The following NEMP2 variants were observed in gnomAD, a reference collection of about 807,000 sequenced individuals.
The protein encoded by NEMP2 is nuclear envelope integral membrane protein 2.
A neutral mutation model predicts 54.2 loss-of-function variants in NEMP2; 53 were observed. The ratio of observed to expected loss-of-function variants is 0.98; its 90% confidence interval spans 0.78 to 1.23. The LOEUF (loss-of-function observed/expected upper bound fraction) is 1.23. Among genes scored for constraint, NEMP2 ranks in the 50% most tolerant of loss-of-function variants. NEMP2 has a pLI of 0.00. For missense variants in NEMP2, 455 were observed against 511.3 expected, an observed-to-expected ratio of 0.89 and a Z score of 1.06; for synonymous variants, 197 against 190.3, an observed-to-expected ratio of 1.04 and a Z score of -0.29.
chr2:190,488,743 A>G, the NEMP2 span: 1 of 1,610,846 alleles, frequency 6.2e-7, no homozygotes, highest in East Asian at 2.2e-5. The surrounding 1 kb of genome is among the most constrained non-coding windows in gnomAD (Gnocchi z 6.4). Flanking sequence ...TGCTCAGGGC[A>G]TCCTGCAGGG....
chr2:190,588,891 T>C, the NEMP2 span, among the ~76,000 whole-genome samples: 1 of 152,286 alleles, frequency 6.6e-6, no homozygotes, highest in South Asian at 2.1e-4. The surrounding 1 kb of genome is among the most constrained non-coding windows in gnomAD (Gnocchi z 5.0). Context: ...TACTATGTGG[T>C]TGGATACATA....
the NEMP2 span, chr2:190,463,874 A>G: frequency 1.0e-6 from 1 of 984,248 alleles, no homozygotes; most frequent in African/African-American, 1.7e-5. The surrounding 1 kb of genome is among the most constrained non-coding windows in gnomAD (Gnocchi z 4.4). Flanking sequence ...ATGGAGCCCA[A>G]TCTAAGGGCG....
chr2:190,489,731 T>C, the NEMP2 span: 1 of 1,577,698 alleles, frequency 6.3e-7, no homozygotes, highest in African/African-American at 1.4e-5. This position sits in a 1 kb window ranked among gnomAD's most constrained non-coding sequence, Gnocchi z 6.6. Context: ...TCTGCATTTC[T>C]TGGAATTACT....
chr2:190,572,873 A>ATATGTATG, the NEMP2 span, among the ~76,000 whole-genome samples: 17 of 110,332 alleles, frequency 1.5e-4, no homozygotes, highest in South Asian at 3.0e-4. Flanking sequence ...ATATATATAT[A>ATATGTATG]TATGTATATA....
the NEMP2 span, among the ~76,000 whole-genome samples, chr2:190,579,930 G>C: frequency 2.0e-5 from 3 of 152,172 alleles, no homozygotes; most frequent in Non-Finnish European, 4.4e-5. Context: ...ACATATCCCA[G>C]GTCTCCGTTT....
the NEMP2 span, among the ~76,000 whole-genome samples, chr2:190,463,461 G>C: frequency 6.6e-6 from 1 of 152,102 alleles, no homozygotes; most frequent in African/African-American, 2.4e-5. The surrounding 1 kb of genome is among the most constrained non-coding windows in gnomAD (Gnocchi z 4.4). Context: ...GCCTACTCTA[G>C]GAAGACATCT....
chr2:190,515,904 C>T (rs1010351201), intron 6 of NEMP2, among the ~76,000 whole-genome samples: 2 of 152,066 alleles, frequency 1.3e-5, no homozygotes, highest in Non-Finnish European at 2.9e-5. Context: ...TGAATACTTA[C>T]GGGAAAGAAA....
chr2:190,565,254 T>C, the NEMP2 span, among the ~76,000 whole-genome samples: 4 of 151,910 alleles, frequency 2.6e-5, no homozygotes, highest in African/African-American at 2.4e-5. Flanking sequence ...ACCTAAACAA[T>C]CAAATGAATT....
At chr2:190,623,318 C>G in the NEMP2 span, among the ~76,000 whole-genome samples, 1 of 151,870 alleles carries the variant, frequency 6.6e-6, no homozygotes, top group Non-Finnish European at 1.5e-5. Context: ...AAAAAAAAAC[C>G]CTAAAATTCT....
chr2:190,547,543 T>C, the NEMP2 span, among the ~76,000 whole-genome samples: 1 of 152,224 alleles, frequency 6.6e-6, no homozygotes, highest in African/African-American at 2.4e-5. The surrounding 1 kb of genome is among the most constrained non-coding windows in gnomAD (Gnocchi z 6.2). Context: ...CTTTTGTTTT[T>C]GAGATGGAGT....
At chr2:190,542,287 C>T in the NEMP2 span, among the ~76,000 whole-genome samples, 2 of 152,242 alleles carry the variant, frequency 1.3e-5, no homozygotes, top group African/African-American at 4.8e-5. This position sits in a 1 kb window ranked among gnomAD's most constrained non-coding sequence, Gnocchi z 4.6. Context: ...TCTTGGCTCA[C>T]TGCAACCTCT....
At chr2:190,436,289 C>A in the NEMP2 span, 1 of 1,614,016 alleles carries the variant, frequency 6.2e-7, no homozygotes, top group Non-Finnish European at 8.5e-7. The surrounding 1 kb of genome is among the most constrained non-coding windows in gnomAD (Gnocchi z 5.3). Context: ...TCTCTCTATC[C>A]CCTTTTGCCT....
the NEMP2 span, among the ~76,000 whole-genome samples, chr2:190,598,790 G>T: frequency 4.6e-5 from 7 of 152,174 alleles, no homozygotes; most frequent in Admixed American, 3.3e-4. Context: ...ATTGTACTTT[G>T]CATATAATAC....
the NEMP2 span, among the ~76,000 whole-genome samples, chr2:190,543,012 T>G: frequency 3.3e-5 from 5 of 152,236 alleles, no homozygotes; most frequent in African/African-American, 1.2e-4. The surrounding 1 kb of genome is among the most constrained non-coding windows in gnomAD (Gnocchi z 4.7). Flanking sequence ...TCTGGCTTGT[T>G]TGGGTTTTTA....
the NEMP2 span, among the ~76,000 whole-genome samples, chr2:190,468,100 G>A: frequency 6.6e-6 from 1 of 152,136 alleles, no homozygotes; most frequent in African/African-American, 2.4e-5. Context: ...TTAATTTCCT[G>A]TGGCTTTTTT....
the NEMP2 span, among the ~76,000 whole-genome samples, chr2:190,442,174 ATAGT>A: frequency 3.3e-5 from 5 of 152,356 alleles, no homozygotes; most frequent in Admixed American, 3.3e-4. Flanking sequence ...CTTAATTCTC[ATAGT>A]AAATTTGGAA....
At chr2:190,618,500 G>A in the NEMP2 span, among the ~76,000 whole-genome samples, 2 of 152,042 alleles carry the variant, frequency 1.3e-5, no homozygotes, top group South Asian at 2.1e-4. Context: ...CCTCCTTCCC[G>A]CTCTTCGACC....
chr2:190,545,193 C>G, the NEMP2 span, among the ~76,000 whole-genome samples: 1 of 152,170 alleles, frequency 6.6e-6, no homozygotes, highest in African/African-American at 2.4e-5. Context: ...AATAAAATTT[C>G]CCAGCATTGG....
the NEMP2 span, among the ~76,000 whole-genome samples, chr2:190,574,321 C>G: frequency 6.6e-6 from 1 of 151,930 alleles, no homozygotes; most frequent in Admixed American, 6.6e-5. Context: ...TTGAATATGC[C>G]TGAAAGCAGT....
Sources: gnomAD v4.1 joint callset for allele counts (sites outside exome capture counted in the v4.1 genomes callset) on GRCh38, gnomAD v4.1.1 for gene constraint, Gnocchi (gnomAD v3.1) non-coding constraint, MANE v1.5 for transcripts, NCBI Gene and HGNC (gene_info 2026-07-23, HGNC 2026-07-21) for gene names.